The following CCDC149 variants were observed in gnomAD, a reference collection of about 807,000 sequenced individuals.
CCDC149 encodes coiled-coil domain-containing protein 149.
CCDC149 carries 45 observed loss-of-function variants against 59.9 expected under a neutral mutation model. The ratio of observed to expected loss-of-function variants is 0.75; its 90% CI spans 0.59 to 0.96. CCDC149 has a LOEUF of 0.96. Ranked by LOEUF, CCDC149 falls within the 40% of genes least tolerant of loss-of-function variation. CCDC149 has a pLI of 0.00. For missense variants in CCDC149, 584 were observed against 664.7 expected (o/e 0.88, Z 1.33); for synonymous variants, 245 against 260.6 (o/e 0.94, Z 0.58).
chr4:24,927,709 T>G (rs188109684), intron 1 of CCDC149, among the ~76,000 whole-genome samples: 1 of 152,278 alleles, frequency 6.6e-6, no homozygotes, highest in East Asian at 1.9e-4. Context: ...TATATTAACT[T>G]GATCTACCAC....
intron 1 of CCDC149, among the ~76,000 whole-genome samples, chr4:24,962,268 C>G (rs570387933): frequency 6.6e-6 from 1 of 152,194 alleles, no homozygotes; most frequent in East Asian, 1.9e-4. Context: ...GAGATACCAT[C>G]TCACACCAGT....
intron 3 of CCDC149, among the ~76,000 whole-genome samples, chr4:24,860,855 A>G (rs1361038785): frequency 2.6e-5 from 4 of 152,224 alleles, no homozygotes; most frequent in Non-Finnish European, 5.9e-5. Context: ...AATGCTCAAC[A>G]TCACTAATTA....
chr4:24,914,614 A>T (rs902732127), upstream of CCDC149, among the ~76,000 whole-genome samples: 1 of 126,282 alleles, frequency 7.9e-6, no homozygotes, highest in African/African-American at 3.0e-5. Context: ...TGACAAGCAC[A>T]TGAGTGAGCC....
intron 3 of CCDC149, among the ~76,000 whole-genome samples, chr4:24,872,051 G>A (rs1719076811): frequency 6.6e-6 from 1 of 152,180 alleles, no homozygotes; most frequent in Non-Finnish European, 1.5e-5. Context: ...CCTCTGAAAA[G>A]GAAGAGCAAA....
chr4:24,876,637 C>T lies in CCDC149; in HGVS notation c.124G>A (p.Glu42Lys). The change falls in exon 2 of 13, where the codon GAG becomes AAG. Residue 42 changes from glutamate to lysine, a missense_variant. Glu to Lys is a moderately conservative substitution (Grantham distance 56, BLOSUM62 1). Coordinates refer to ENST00000635206, the MANE Select transcript of CCDC149 (RefSeq NM_001330643.2). ...CTTTCCTGTTGACAGGTGTCCAGCT[C>T]CTTGGAGAGGATCAGCAGGGCTTCC... is the stretch of plus-strand genomic sequence containing the variant. 1.2e-6 allele frequency: 2 copies of T among 1,614,144 alleles called. No individual in the cohort carries two copies. Among genetic ancestry groups the T allele is most frequent in the African/African-American group, 1.3e-5 (1 of 75,040 alleles).
chr4:24,898,989 A>G (rs1046468646), intron 1 of CCDC149, among the ~76,000 whole-genome samples: 4 of 152,176 alleles, frequency 2.6e-5, no homozygotes, highest in African/African-American at 9.7e-5. Flanking sequence ...CTTGGAGGCC[A>G]ACTGAGGCAC....
At chr4:24,878,216 TAAAAAAAAAAAAA>T (rs66494953) in intron 1 of CCDC149, among the ~76,000 whole-genome samples, 6 of 125,140 alleles carry the variant, frequency 4.8e-5, no homozygotes, top group African/African-American at 1.9e-4. Flanking sequence ...TTTTTTTTCC[TAAAAAAAAAAAAA>T]AAAAAAAAAG....
intron 1 of CCDC149, among the ~76,000 whole-genome samples, chr4:24,940,699 A>T (rs1012550606): frequency 3.9e-5 from 6 of 152,220 alleles, no homozygotes; most frequent in African/African-American, 1.2e-4. Flanking sequence ...GGATGGAGGA[A>T]GATCTACCAA....
At chr4:24,847,772 T>C (rs1165078462) in intron 4 of CCDC149, among the ~76,000 whole-genome samples, 2 of 152,108 alleles carry the variant, frequency 1.3e-5, no homozygotes, top group Admixed American at 1.3e-4. Flanking sequence ...GGTGGACCTC[T>C]TGGGCTGCAC....
At chr4:24,864,921 G>A (rs1718605768) in intron 3 of CCDC149, among the ~76,000 whole-genome samples, 1 of 152,200 alleles carries the variant, frequency 6.6e-6, no homozygotes, top group African/African-American at 2.4e-5. Context: ...GCTGACTGGG[G>A]AACTTGAGTA....
Position 24,863,301 on chromosome 4 carries a change from A to G in CCDC149, c.265-10122T>C, listed in dbSNP as rs566403407. The stretch of plus-strand genomic sequence containing the variant: ...AGCAAGACGTCACCTCAAAAACACA[A>G]AACAAAACAAAAACAAAAAAGTTTA... On this transcript the variant is annotated intron_variant, in intron 3 of 12. Coordinates refer to ENST00000635206, the MANE Select transcript of CCDC149 (RefSeq NM_001330643.2). 3.9e-5 allele frequency among the ~76,000 whole-genome samples: 6 copies of G among 152,324 alleles called. No individual in the cohort carries two copies. In the South Asian group the frequency reaches 8.3e-4, roughly 21 times the overall value.
At chr4:24,963,155 C>A (rs1462985339) in intron 1 of CCDC149, among the ~76,000 whole-genome samples, 2 of 151,956 alleles carry the variant, frequency 1.3e-5, no homozygotes, top group East Asian at 3.9e-4. Flanking sequence ...AAGCAGGAAG[C>A]ACTTTTTAAT....
intron 9 of CCDC149, chr4:24,829,818 G>T: frequency 6.6e-6 from 1 of 152,370 alleles, no homozygotes; most frequent in Non-Finnish European, 1.5e-5. Flanking sequence ...TCCAACATAA[G>T]TGACCTCCCG....
At chr4:24,930,817 T>C (rs1379732529) in intron 1 of CCDC149, among the ~76,000 whole-genome samples, 1 of 152,218 alleles carries the variant, frequency 6.6e-6, no homozygotes, top group African/African-American at 2.4e-5. Context: ...AAAAAATTTC[T>C]GTTTTAGAGA....
chr4:24,853,862 T>A (rs139074865), intron 3 of CCDC149, among the ~76,000 whole-genome samples: 407 of 152,284 alleles, frequency 2.7e-3, no homozygotes, highest in African/African-American at 9.3e-3. Flanking sequence ...CCAGAAGAAA[T>A]GCAACAGTTT....
chr4:24,963,502 T>C (rs1374579638), intron 1 of CCDC149, among the ~76,000 whole-genome samples: 1 of 152,116 alleles, frequency 6.6e-6, no homozygotes, highest in Non-Finnish European at 1.5e-5. Context: ...TCACCCAACA[T>C]AAACAAGGTG....
At chr4:24,961,377 A>C (rs1280987263) in intron 1 of CCDC149, among the ~76,000 whole-genome samples, 1 of 152,244 alleles carries the variant, frequency 6.6e-6, no homozygotes, top group African/African-American at 2.4e-5. Context: ...GAAAATGGCC[A>C]TACTGCCCAA....
At chr4:24,868,282 C>T (rs1443617422) in intron 3 of CCDC149, among the ~76,000 whole-genome samples, 2 of 152,202 alleles carry the variant, frequency 1.3e-5, no homozygotes, top group Non-Finnish European at 2.9e-5. Flanking sequence ...TTTAATGCTG[C>T]ATTTTCCTCC....
chr4:24,929,532 A>G (rs1722525664), intron 1 of CCDC149, among the ~76,000 whole-genome samples: 1 of 152,246 alleles, frequency 6.6e-6, no homozygotes, highest in South Asian at 2.1e-4. Context: ...CCTCTCTCAG[A>G]AATGCACATC....
Sources: gnomAD v4.1 joint callset for allele counts (sites outside exome capture counted in the v4.1 genomes callset) on GRCh38, gnomAD v4.1.1 for gene constraint, MANE v1.5 for transcripts, NCBI Gene and HGNC (gene_info 2026-07-23, HGNC 2026-07-21) for gene names.